GPR55: variants seen among roughly 807,000 people sequenced by gnomAD.
GPR55 encodes G-protein coupled receptor 55.
A neutral mutation model predicts 7.9 loss-of-function variants in GPR55; 6 were observed. That is an observed-to-expected ratio of 0.76 (90% CI 0.41 to 1.49). The LOEUF (loss-of-function observed/expected upper bound fraction) is 1.49. Ranked by LOEUF, GPR55 falls within the 40% of genes most tolerant of loss-of-function variation. GPR55 has a pLI of 0.01. For missense variants in GPR55, 376 were observed against 406.0 expected (o/e 0.93, Z 0.63); for synonymous variants, 183 against 166.8 (o/e 1.10, Z -0.75).
chr2:230,957,970 G>A (rs1691517672), intron 1 of GPR55: 1 of 443,868 alleles, frequency 2.3e-6, no homozygotes, highest in African/African-American at 2.1e-5. Context: ...CTTGAGCATA[G>A]AAATCAGACT....
At chr2:230,949,413 TG>T (rs1217331798) in intron 1 of GPR55, among the ~76,000 whole-genome samples, 2 of 152,206 alleles carry the variant, frequency 1.3e-5, no homozygotes. Context: ...CTGCCCGCGT[TG>T]GCCTCCCAAT....
chr2:230,960,599 A>G lies in GPR55; in HGVS notation c.-135+176T>C, dbSNP rs565238454. On this transcript the variant is annotated intron_variant, in intron 1 of 1. Transcript: ENST00000392039. ...AATGACAACAAAAAAAAATCACCGT[A>G]AGACAGCTCTCACAGTAAAGAGCCT... 3.3e-5 allele frequency among the ~76,000 whole-genome samples: 5 copies of G among 152,338 alleles called. No homozygotes were observed. In the East Asian group the frequency reaches 9.6e-4, roughly 29 times the overall value.
intron 1 of GPR55, among the ~76,000 whole-genome samples, chr2:230,941,096 G>A (rs748376646): frequency 2.6e-4 from 39 of 151,840 alleles, no homozygotes; most frequent in Non-Finnish European, 4.6e-4. Context: ...CAGCCCGGGC[G>A]ACAGAGCAAG....
At chr2:230,941,242 G>A (rs1247970481) in intron 1 of GPR55, among the ~76,000 whole-genome samples, 1 of 152,036 alleles carries the variant, frequency 6.6e-6, no homozygotes, top group Non-Finnish European at 1.5e-5. Context: ...CAGGGAGGCT[G>A]CAGGAGTGCG....
intron 1 of GPR55, among the ~76,000 whole-genome samples, chr2:230,935,397 C>T (rs1017431181): frequency 6.6e-6 from 1 of 152,186 alleles, no homozygotes; most frequent in African/African-American, 2.4e-5. Flanking sequence ...GAAGTCTTTC[C>T]TTCTGAAGCT....
chr2:230,930,582 C>G (rs1330896646), intron 1 of GPR55, among the ~76,000 whole-genome samples: 1 of 151,838 alleles, frequency 6.6e-6, no homozygotes, highest in Admixed American at 6.6e-5. Context: ...TCTCAACTTC[C>G]CAGGACTGCA....
At chr2:230,926,526 G>A (rs1252373657), upstream of GPR55, among the ~76,000 whole-genome samples, 2 of 152,112 alleles carry the variant, frequency 1.3e-5, no homozygotes, top group Non-Finnish European at 2.9e-5. Context: ...CAGTAGCAGG[G>A]AGGAAACACA....
intron 1 of GPR55, among the ~76,000 whole-genome samples, chr2:230,911,807 C>T (rs934512803): frequency 1.2e-4 from 19 of 152,106 alleles, no homozygotes; most frequent in African/African-American, 2.4e-5. Flanking sequence ...GGCCTTTTGT[C>T]GGGCAGAAAA....
intron 1 of GPR55, among the ~76,000 whole-genome samples, chr2:230,940,228 G>A (rs1691204394): frequency 6.6e-6 from 1 of 152,122 alleles, no homozygotes; most frequent in Non-Finnish European, 1.5e-5. Context: ...AACCGCTCAT[G>A]GGGTCTCAGT....
In GPR55 at chr2:230,910,038, G is replaced by A. The variant is rs1167233908; in HGVS notation, c.925C>T (p.Leu309=). The part of the protein sequence containing the change: ...IRAHRPSRVQ[L]VLQDTTISRG ...GAGATCGTGGTGTCCTGCAGGACCAGCTGGACCCTGGAAGGCCGGTGGGCC... is the reference window on the plus strand; with the variant it reads ...GAGATCGTGGTGTCCTGCAGGACCAACTGGACCCTGGAAGGCCGGTGGGCC... Residue 309 remains leucine, a synonymous_variant, in exon 2 of 2, where the codon CTG becomes TTG. Coordinates refer to ENST00000650999, the MANE Select transcript of GPR55 (RefSeq NM_005683.4). The surrounding 1 kb of genome is among the most constrained non-coding windows in gnomAD (Gnocchi z 5.4). The A allele has an allele frequency of 6.8e-6, 11 of 1,613,898 alleles. No individual in the cohort carries two copies. In the Admixed American group the frequency reaches 1.8e-4, roughly 27 times the overall value.
At chr2:230,938,847 T>C (rs576870562) in intron 1 of GPR55, among the ~76,000 whole-genome samples, 1 of 152,108 alleles carries the variant, frequency 6.6e-6, no homozygotes, top group Non-Finnish European at 1.5e-5. Flanking sequence ...TATTTGTTCA[T>C]GAGAGCCTCG....
chr2:230,955,744 G>A (rs766516743), intron 1 of GPR55, among the ~76,000 whole-genome samples: 3 of 152,078 alleles, frequency 2.0e-5, no homozygotes, highest in Admixed American at 6.5e-5. Flanking sequence ...TGTTTGAGAC[G>A]GGGTCTCATT....
At chr2:230,930,924 A>AT (rs1167862777) in intron 1 of GPR55, among the ~76,000 whole-genome samples, 1 of 152,056 alleles carries the variant, frequency 6.6e-6, no homozygotes, top group African/African-American at 2.4e-5. Flanking sequence ...TTTAATTCTG[A>AT]TTTTTAAAAA....
intron 1 of GPR55, among the ~76,000 whole-genome samples, chr2:230,951,219 G>C (rs540182763): frequency 6.6e-6 from 1 of 152,136 alleles, no homozygotes; most frequent in African/African-American, 2.4e-5. Flanking sequence ...CCTGTGGGCT[G>C]TAAGACTATC....
rs558586964 is a variant in GPR55, at chr2:230,911,908, G to T, written c.-134-812C>A. Among the ~76,000 whole-genome samples the T allele has an allele frequency of 3.7e-4, 57 of 152,300 alleles. 1 individual carries two copies. In the South Asian group the frequency reaches 0.012, roughly 31 times the overall value. On this transcript the variant is annotated intron_variant, in intron 1 of 1. Transcript: ENST00000650999. ...AGCCTGGTCAATTTGGGGTGAGGGG[G>T]TGAGTGCCATTGTGGGGTTCTGCAT...
Position 230,910,983 on chromosome 2 carries a change from C to A in GPR55, c.-21G>T. ...CTCATGTTTCTTCCTACAACACCAACAGATCAGACGGGGCTCCTTTCACTC... is the reference window on the plus strand; with the variant it reads ...CTCATGTTTCTTCCTACAACACCAAAAGATCAGACGGGGCTCCTTTCACTC... On this transcript the variant is annotated 5_prime_UTR_variant, in exon 2 of 2. Transcript: ENST00000650999. This position sits in a 1 kb window ranked among gnomAD's most constrained non-coding sequence, Gnocchi z 5.4. 6.4e-7 allele frequency: 1 copy of A among 1,574,632 alleles called. No homozygotes were observed. The highest frequency in any genetic ancestry group is 8.6e-7 in the Non-Finnish European group (1 of 1,156,262).
At chr2:230,931,828 C>T (rs1691044565) in intron 1 of GPR55, among the ~76,000 whole-genome samples, 1 of 152,114 alleles carries the variant, frequency 6.6e-6, no homozygotes, top group Non-Finnish European at 1.5e-5. Flanking sequence ...CCACCCCTGG[C>T]CCAGTCCATT....
intron 1 of GPR55, among the ~76,000 whole-genome samples, chr2:230,950,932 A>T (rs2125069763): frequency 6.6e-6 from 1 of 152,288 alleles, no homozygotes; most frequent in Middle Eastern, 3.4e-3. Context: ...GACAGGGTTC[A>T]GAGAGCTTCC....
chr2:230,931,757 C>T (rs1219492847), intron 1 of GPR55, among the ~76,000 whole-genome samples: 3 of 152,094 alleles, frequency 2.0e-5, no homozygotes, highest in Admixed American at 6.5e-5. Flanking sequence ...TGAGAGCATG[C>T]GGGGCCCCTC....
Sources: gnomAD v4.1 joint callset for allele counts (sites outside exome capture counted in the v4.1 genomes callset) on GRCh38, gnomAD v4.1.1 for gene constraint, Gnocchi (gnomAD v3.1) non-coding constraint, MANE v1.5 for transcripts, NCBI Gene and HGNC (gene_info 2026-07-23, HGNC 2026-07-21) for gene names.